The following MYO7A variants were observed in gnomAD, a reference collection of about 807,000 sequenced individuals.
MYO7A encodes the protein unconventional myosin-VIIa.
A neutral mutation model predicts 263.8 loss-of-function variants in MYO7A; 210 were observed. That is an observed-to-expected ratio of 0.80 (90% CI 0.71 to 0.89). The LOEUF (loss-of-function observed/expected upper bound fraction) is 0.89. MYO7A is among the 40% of genes least tolerant of loss of function. The probability of loss-of-function intolerance (pLI) is 0.00; values close to 1 mark genes in which losing one functional copy is unlikely to be tolerated. For missense variants in MYO7A, 2,820 were observed against 2,968.3 expected (o/e 0.95, Z 1.16); for synonymous variants, 1,239 against 1,197.3 (o/e 1.03, Z -0.72).
intron 37 of MYO7A, 122 bp from the exon 38 acceptor site, chr11:77,202,938 C>T: frequency 1.6e-6 from 2 of 1,245,146 alleles, no homozygotes; most frequent in Non-Finnish European, 1.1e-6. Context: ...AGAGCAGGGC[C>T]TGGTGCCCAC....
chr11:77,206,875 C>T (rs1957475221), intron 41 of MYO7A: 1 of 168,840 alleles, frequency 5.9e-6, no homozygotes, highest in South Asian at 1.8e-4. Context: ...CCAGACATCT[C>T]TCCTGCCATT....
intron 2 of MYO7A, among the ~76,000 whole-genome samples, chr11:77,137,253 C>T (rs1950938670): frequency 6.6e-6 from 1 of 152,170 alleles, no homozygotes; most frequent in African/African-American, 2.4e-5. Flanking sequence ...GTTCCCAAGG[C>T]TGGGACAGGG....
rs375943719 is a variant in MYO7A at position 77,213,888 on chromosome 11, A to C, written c.6467A>C (p.Lys2156Thr). ...ATCCTCACCACTCATCCCTTCACCA[A>C]GATCTCCAACTGGAGCAGCGGCAAC... ...KDILTTHPFT[K>T]ISNWSSGNTY... Residue 2156 changes from lysine (K) to threonine (T), a missense_variant, in exon 48 of 49, where the codon AAG (lysine) becomes ACG (threonine). Lys to Thr is a moderately conservative substitution (Grantham distance 78). Transcript: ENST00000409709. 1.2e-6 allele frequency: 2 copies of C among 1,613,928 alleles called. No individual in the cohort carries two copies. The highest frequency in any genetic ancestry group is 1.7e-6 in the Non-Finnish European group (2 of 1,179,900).
intron 2 of MYO7A, among the ~76,000 whole-genome samples, chr11:77,132,882 AAGAT>A (rs1950805917): frequency 6.6e-6 from 1 of 152,204 alleles, no homozygotes; most frequent in African/African-American, 2.4e-5. Flanking sequence ...AGCAAAGCAC[AAGAT>A]GGAGCCCACT....
At chr11:77,191,563 C>T (rs534090271) in intron 30 of MYO7A, among the ~76,000 whole-genome samples, 9 of 152,210 alleles carry the variant, frequency 5.9e-5, no homozygotes, top group Non-Finnish European at 1.2e-4. Context: ...AGTTCCTTCA[C>T]ACTTGCCCTG....
rs935414147 is a variant in MYO7A at position 77,178,414 on chromosome 11, A to C, written c.2283-631A>C. On this transcript the variant is annotated intron_variant, in intron 19 of 48. Transcript: ENST00000409709. ...CATCCACCTACCCATTCATTCCTCC[A>C]TTCATCCATTCACCCACCCACTCCC... Among the ~76,000 whole-genome samples the C allele has an allele frequency of 8.2e-4, 58 of 70,768 alleles. 1 individual carries two copies. The highest frequency in any genetic ancestry group is 3.1e-3 in the African/African-American group (57 of 18,100). The allele number at this position is 70,768 out of a possible 152,430, so 46.4% of individuals were successfully genotyped here.
chr11:77,148,226 C>A (rs1951724823), intron 4 of MYO7A, among the ~76,000 whole-genome samples: 1 of 152,174 alleles, frequency 6.6e-6, no homozygotes, highest in Non-Finnish European at 1.5e-5. Flanking sequence ...CCTCTCTAGG[C>A]CTTGAAACCA....
In MYO7A at chr11:77,180,509, G is replaced by A. The variant is rs368112212; in HGVS notation, c.2694+28G>A. On this transcript the variant is annotated intron_variant, in intron 22 of 48. Transcript: ENST00000409709. ...GAGCTGAGAGCCTCCAGGCACCTTA[G>A]GTGTCCACTTGCTGGCTTGTCCCCT... 15 of 1,591,036 alleles carry A rather than the reference G, an allele frequency of 9.4e-6. No individual in the cohort carries two copies. The African/African-American group carries it at 1.6e-4, about 17-fold the overall frequency.
At chr11:77,164,535 T>A (rs1555071328) in intron 14 of MYO7A, among the ~76,000 whole-genome samples, 1 of 152,232 alleles carries the variant, frequency 6.6e-6, no homozygotes, top group African/African-American at 2.4e-5. Flanking sequence ...AGTGGTAGAA[T>A]CTGATGGCGG....
At chr11:77,200,723 G>A (rs964077673) in intron 35 of MYO7A, among the ~76,000 whole-genome samples, 2 of 152,228 alleles carry the variant, frequency 1.3e-5, no homozygotes, top group Admixed American at 1.3e-4. Flanking sequence ...TGTAGCCTGT[G>A]GGGAACCTCT....
intron 20 of MYO7A, 76 bp downstream of exon 20, chr11:77,179,205 C>A: frequency 7.6e-7 from 1 of 1,322,678 alleles, no homozygotes; most frequent in Non-Finnish European, 1.1e-6. Context: ...GTGGGACTGG[C>A]CTGCACCCAG....
intron 4 of MYO7A, among the ~76,000 whole-genome samples, chr11:77,149,684 A>G (rs564440879): frequency 1.3e-5 from 2 of 152,234 alleles, no homozygotes; most frequent in South Asian, 4.1e-4. Flanking sequence ...CTGCAGCTTC[A>G]GGCTCCAGAG....
At chr11:77,181,330 G>A in intron 22 of MYO7A, 50 bp from the exon 23 acceptor site, 3 of 1,494,682 alleles carry the variant, frequency 2.0e-6, no homozygotes, top group Non-Finnish European at 2.7e-6. Flanking sequence ...CCCTGAGGCT[G>A]TGGCACCGGG....
chr11:77,191,763 C>T (rs765491445), intron 30 of MYO7A, among the ~76,000 whole-genome samples: 15 of 152,200 alleles, frequency 9.9e-5, no homozygotes, highest in Admixed American at 2.0e-4. Context: ...TTTTTCTCAC[C>T]GATGCTCTTA....
intron 2 of MYO7A, among the ~76,000 whole-genome samples, chr11:77,135,716 C>T (rs1950885177): frequency 6.7e-6 from 1 of 148,200 alleles, no homozygotes; most frequent in African/African-American, 2.6e-5. Flanking sequence ...ATTTTCTCCA[C>T]ATCTTTACCA....
intron 12 of MYO7A, 70 bp from the exon 13 acceptor site, chr11:77,162,050 G>A (rs1182077011): frequency 1.4e-6 from 2 of 1,397,852 alleles, no homozygotes; most frequent in African/African-American, 2.8e-5. Context: ...GCAGGTGGAG[G>A]CAGAGCCAGG....
chr11:77,160,303 C>A (rs781987832), intron 11 of MYO7A, 21 bp downstream of exon 11: 1 of 1,547,866 alleles, frequency 6.5e-7, no homozygotes. Flanking sequence ...GGGAAGGGGC[C>A]GCTTGCTCGC....
intron 12 of MYO7A, 111 bp from the exon 13 acceptor site, chr11:77,162,009 A>G (rs781982330): frequency 7.5e-5 from 75 of 999,272 alleles, no homozygotes; most frequent in Non-Finnish European, 1.0e-4. Flanking sequence ...TTTGGAGTCC[A>G]TGATGGGGAT....
chr11:77,173,420 G>T (rs1954316082), intron 16 of MYO7A, among the ~76,000 whole-genome samples: 1 of 152,212 alleles, frequency 6.6e-6, no homozygotes, highest in Admixed American at 6.5e-5. Context: ...CATTTGTTGG[G>T]CCCTTTCTGT....
Sources: gnomAD v4.1 joint callset for allele counts (sites outside exome capture counted in the v4.1 genomes callset) on GRCh38, gnomAD v4.1.1 for gene constraint, MANE v1.5 for transcripts, NCBI Gene and HGNC (gene_info 2026-07-23, HGNC 2026-07-21) for gene names.